The following STPG2 variants were observed in gnomAD, a reference collection of about 807,000 sequenced individuals.
The protein encoded by STPG2 is sperm tail PG-rich repeat containing 2.
In STPG2, 56 loss-of-function variants were observed where a neutral mutation model predicts 54.2. The observed-to-expected ratio is 1.03, with a 90% CI of 0.83 to 1.29. The LOEUF is 1.29. STPG2 is among the 50% of genes most tolerant of loss of function. The pLI, the probability that STPG2 is intolerant of heterozygous loss-of-function variation, is 0.00. For synonymous variants in STPG2, 200 were observed against 181.8 expected, an observed-to-expected ratio of 1.10 and a Z score of -0.81; for missense variants, 596 against 544.9, an observed-to-expected ratio of 1.09 and a Z score of -0.93.
intron 4 of STPG2, among the ~76,000 whole-genome samples, chr4:97,540,563 C>A (rs753624797): frequency 6.6e-6 from 1 of 152,150 alleles, no homozygotes; most frequent in Non-Finnish European, 1.5e-5. Context: ...GGAGCTGGTA[C>A]CATTCCTTCT....
intron 5 of STPG2, among the ~76,000 whole-genome samples, chr4:98,062,728 A>C (rs1737701645): frequency 1.3e-5 from 2 of 152,126 alleles, no homozygotes; most frequent in Non-Finnish European, 2.9e-5. Flanking sequence ...AATTAAAAGA[A>C]GATGATGGTA....
intron 4 of STPG2, among the ~76,000 whole-genome samples, chr4:97,452,199 C>A (rs1048181830): frequency 6.7e-6 from 1 of 149,796 alleles, no homozygotes; most frequent in African/African-American, 2.5e-5. Flanking sequence ...CATCCCTACA[C>A]ACCTGGGGGC....
chr4:97,618,430 T>TA (rs201499729), intron 10 of STPG2, among the ~76,000 whole-genome samples: 33 of 151,206 alleles, frequency 2.2e-4, no homozygotes, highest in South Asian at 1.3e-3. Context: ...CATGGGAAAT[T>TA]AAAAAAAAAT....
intron 5 of STPG2, among the ~76,000 whole-genome samples, chr4:97,985,547 AAC>A (rs1176742123): frequency 1.3e-5 from 2 of 152,188 alleles, no homozygotes; most frequent in Non-Finnish European, 2.9e-5. Flanking sequence ...TATTCCTACA[AAC>A]CAGAAATTCT....
At chr4:98,025,689 G>C in intron 5 of STPG2, 1 of 1,190,002 alleles carries the variant, frequency 8.4e-7, no homozygotes, top group Non-Finnish European at 1.2e-6. Flanking sequence ...TATTGTACTG[G>C]CCTCCTGCTG....
In STPG2 at chr4:97,871,974, A is replaced by T. The variant is rs568096151; in HGVS notation, c.1045-31042T>A. Among the ~76,000 whole-genome samples, 3 of 151,240 alleles carry T rather than the reference A, an allele frequency of 2.0e-5. No homozygotes were observed. The East Asian group carries it at 5.8e-4, about 29-fold the overall frequency. On this transcript the variant is annotated intron_variant, in intron 8 of 10. Coordinates refer to ENST00000295268, the MANE Select transcript of STPG2 (RefSeq NM_174952.3). ...CAAATGGGGCTTATTCTAAGAATGT[A>T]ATGCTTATTTAAGATTATGAAATTG...
chr4:97,925,540 T>G (rs970451482), intron 8 of STPG2, among the ~76,000 whole-genome samples: 2 of 152,224 alleles, frequency 1.3e-5, no homozygotes, highest in African/African-American at 4.8e-5. Context: ...TATAATGTGC[T>G]GTCTCCCATC....
At chr4:97,779,185 A>C (rs1726504559) in intron 9 of STPG2, among the ~76,000 whole-genome samples, 1 of 152,178 alleles carries the variant, frequency 6.6e-6, no homozygotes, top group African/African-American at 2.4e-5. Flanking sequence ...AAACCTTGAA[A>C]CAAGATTAGA....
intron 8 of STPG2, among the ~76,000 whole-genome samples, chr4:97,869,583 CT>C (rs1441697143): frequency 6.6e-6 from 1 of 151,482 alleles, no homozygotes; most frequent in African/African-American, 2.4e-5. Context: ...AGGGTTCAGC[CT>C]TTGTTTTTCA....
At chr4:98,090,500 G>A (rs1738653317) in intron 5 of STPG2, among the ~76,000 whole-genome samples, 1 of 151,980 alleles carries the variant, frequency 6.6e-6, no homozygotes, top group South Asian at 2.1e-4. Context: ...GATACTTCCA[G>A]ATTTGTTCTT....
In STPG2 at chr4:97,484,449, G is replaced by A. The variant is rs116305201; in HGVS notation, c.462+228250C>T. ...CTATGAAAACTTTTACGCACATCAA[G>A]TAGAAAACCTAGAAAAGATAAATGA... is the stretch of plus-strand genomic sequence containing the variant. On this transcript the variant is annotated intron_variant, in intron 4 of 4. Coordinates refer to the STPG2 transcript ENST00000522676. Among the ~76,000 whole-genome samples the A allele has an allele frequency of 6.1e-3, 917 of 151,556 alleles. 5 individuals carry two copies. Among genetic ancestry groups the A allele is most frequent in the South Asian group, 0.02 (98 of 4,810 alleles).
chr4:97,568,908 TTTTG>T (rs1553938774), intron 10 of STPG2, among the ~76,000 whole-genome samples: 4 of 150,498 alleles, frequency 2.7e-5, no homozygotes, highest in Non-Finnish European at 4.5e-5. Flanking sequence ...TTGTTTTTTT[TTTTG>T]TTTGTTTGTT....
chr4:98,094,373 C>T (rs1359626330), intron 5 of STPG2, among the ~76,000 whole-genome samples: 2 of 152,022 alleles, frequency 1.3e-5, no homozygotes, highest in South Asian at 2.1e-4. Context: ...AGGGAGTTTG[C>T]CTTGTGCCTT....
chr4:97,589,532 G>A (rs1015119695), intron 10 of STPG2, among the ~76,000 whole-genome samples: 6 of 151,826 alleles, frequency 4.0e-5, no homozygotes, highest in Non-Finnish European at 8.8e-5. Flanking sequence ...TTAACCATAC[G>A]ACAATTTTCT....
chr4:97,487,082 T>C (rs1730385332), intron 4 of STPG2, among the ~76,000 whole-genome samples: 1 of 151,038 alleles, frequency 6.6e-6, no homozygotes, highest in Non-Finnish European at 1.5e-5. Flanking sequence ...CAATGGACTT[T>C]GGGGACTTGG....
rs1318229277 is a variant in STPG2, at chr4:97,722,836, C to T, written c.1205-10022G>A. Reference sequence around the variant, plus strand: ...TTTTTGAGACGGAGCCTTGCTCTGTCGCCCCGGCTGGAGTGCAGTGGTGCG... The same window carrying T: ...TTTTTGAGACGGAGCCTTGCTCTGTTGCCCCGGCTGGAGTGCAGTGGTGCG... On this transcript the variant is annotated intron_variant, in intron 9 of 10. Coordinates refer to ENST00000295268, the MANE Select transcript of STPG2 (RefSeq NM_174952.3). Among the ~76,000 whole-genome samples the T allele has an allele frequency of 2.3e-4, 33 of 141,078 alleles. No homozygotes were observed. In the East Asian group the frequency reaches 6.8e-3, roughly 29 times the overall value. 92.6% of individuals were successfully genotyped at this position (141,078 alleles called of 152,430 possible).
chr4:97,809,239 A>G (rs938002974), intron 9 of STPG2, among the ~76,000 whole-genome samples: 6 of 152,198 alleles, frequency 3.9e-5, no homozygotes, highest in Non-Finnish European at 7.4e-5. Flanking sequence ...AATTGAAAAC[A>G]CATTGTAAAA....
intron 3 of STPG2, among the ~76,000 whole-genome samples, chr4:98,112,493 A>C (rs1739392803): frequency 6.6e-6 from 1 of 152,142 alleles, no homozygotes; most frequent in Non-Finnish European, 1.5e-5. Context: ...TCATTGATTG[A>C]CACATGACTG....
chr4:98,100,681 T>G (rs1160243772), intron 5 of STPG2, among the ~76,000 whole-genome samples: 8 of 145,260 alleles, frequency 5.5e-5, no homozygotes, highest in Admixed American at 4.8e-4. Flanking sequence ...TTTTTTTTTT[T>G]TTTTTTGTTT....
Sources: allele counts gnomAD v4.1 joint callset (sites outside exome capture counted in the v4.1 genomes callset), GRCh38; gene constraint gnomAD v4.1.1; transcripts MANE v1.5; gene names NCBI Gene and HGNC (gene_info 2026-07-23, HGNC 2026-07-21).